Variants in SH3BGRL2 observed in about 807,000 individuals in gnomAD.
The protein encoded by SH3BGRL2 is SH3 domain-binding glutamic acid-rich-like protein 2.
A neutral mutation model predicts 14.8 loss-of-function variants in SH3BGRL2; 21 were observed. That is an observed-to-expected ratio of 1.42 (90% confidence interval 1.01 to 2.05). SH3BGRL2 has a LOEUF of 2.05. Ranked by LOEUF, SH3BGRL2 falls within the 30% of genes most tolerant of loss-of-function variation. The probability of loss-of-function intolerance (pLI) is 0.00; values close to 1 mark genes in which losing one functional copy is unlikely to be tolerated. For synonymous variants in SH3BGRL2, 50 were observed against 47.8 expected (o/e 1.05, Z -0.19); for missense variants, 147 against 130.8 (o/e 1.12, Z -0.61).
the SH3BGRL2 span, among the ~76,000 whole-genome samples, chr6:79,554,745 G>C: frequency 0.13 from 19,588 of 152,066 alleles, 1,418 homozygotes; most frequent in African/African-American, 0.16. Flanking sequence ...AAATTGGTAC[G>C]AGTTACTTAA....
intron 1 of SH3BGRL2, 105 bp from the exon 2 acceptor site, chr6:79,673,509 C>T: frequency 1.7e-6 from 2 of 1,150,294 alleles, no homozygotes; most frequent in Non-Finnish European, 2.5e-6. Flanking sequence ...CTACATAAAT[C>T]ACCTCTTTTT....
chr6:79,655,000 G>T (rs901750486), intron 1 of SH3BGRL2, among the ~76,000 whole-genome samples: 2 of 152,082 alleles, frequency 1.3e-5, no homozygotes, highest in Non-Finnish European at 2.9e-5. Context: ...CTTATAAAGG[G>T]GGAATTAATG....
At chr6:79,609,742 A>T in the SH3BGRL2 span, among the ~76,000 whole-genome samples, 1 of 152,132 alleles carries the variant, frequency 6.6e-6, no homozygotes, top group Admixed American at 6.5e-5. Context: ...ATTCCAAAAC[A>T]CCAAATCAGT....
At chr6:79,563,833 G>A in the SH3BGRL2 span, among the ~76,000 whole-genome samples, 185 of 152,260 alleles carry the variant, frequency 1.2e-3, no homozygotes, top group Non-Finnish European at 2.0e-3. Context: ...ACTATATATT[G>A]GAGTGATACA....
At chr6:79,649,425 A>G (rs998891118) in intron 1 of SH3BGRL2, among the ~76,000 whole-genome samples, 1 of 152,168 alleles carries the variant, frequency 6.6e-6, no homozygotes, top group Non-Finnish European at 1.5e-5. Context: ...AAAATATAAT[A>G]ATAAATTTGT....
chr6:79,691,303 T>A (rs145127977), intron 2 of SH3BGRL2, among the ~76,000 whole-genome samples: 1 of 152,080 alleles, frequency 6.6e-6, no homozygotes, highest in South Asian at 2.1e-4. Context: ...GAGGGTGAGA[T>A]CAAATCTGTT....
the SH3BGRL2 span, among the ~76,000 whole-genome samples, chr6:79,616,730 A>C: frequency 6.6e-6 from 1 of 152,204 alleles, no homozygotes; most frequent in Non-Finnish European, 1.5e-5. Context: ...TGTTCTTTAC[A>C]GTTCCATTCA....
chr6:79,649,967 ACT>A lies in SH3BGRL2; in HGVS notation c.45+18479_45+18480del, dbSNP rs67263724. 1.9e-3 allele frequency among the ~76,000 whole-genome samples: 276 copies of A among 146,456 alleles called. 1 individual carries two copies. The highest frequency in any genetic ancestry group is 0.01 in the Middle Eastern group (3 of 288). On this transcript the variant is annotated intron_variant, in intron 1 of 3. Coordinates refer to ENST00000369838, the MANE Select transcript of SH3BGRL2 (RefSeq NM_031469.4). The stretch of plus-strand genomic sequence containing the variant: ...TTATTTTTAATGCTAGTTCTTATGT[ACT>A]CTCTCTCTCTCTCTCTCACACACAC...
At chr6:79,617,804 G>A in the SH3BGRL2 span, among the ~76,000 whole-genome samples, 2 of 152,204 alleles carry the variant, frequency 1.3e-5, no homozygotes, top group African/African-American at 4.8e-5. Flanking sequence ...CTTCACAGGT[G>A]ATTTGTACTT....
At chr6:79,671,033 T>A (rs917033519) in intron 1 of SH3BGRL2, among the ~76,000 whole-genome samples, 1 of 152,150 alleles carries the variant, frequency 6.6e-6, no homozygotes, top group Non-Finnish European at 1.5e-5. Flanking sequence ...ATTGCTTTTC[T>A]AAGTAAAACC....
At chr6:79,683,052 C>T (rs542865631) in intron 2 of SH3BGRL2, among the ~76,000 whole-genome samples, 5 of 152,050 alleles carry the variant, frequency 3.3e-5, no homozygotes, top group East Asian at 1.9e-4. Flanking sequence ...GCCTGTCGAG[C>T]GGGGGAGCTG....
At chr6:79,684,403 G>T (rs1345487537) in intron 2 of SH3BGRL2, among the ~76,000 whole-genome samples, 2 of 151,748 alleles carry the variant, frequency 1.3e-5, no homozygotes, top group Non-Finnish European at 2.9e-5. Context: ...TAATGTCTTT[G>T]CCTTCAGTTG....
chr6:79,697,975 A>T (rs1326579078), intron 3 of SH3BGRL2, among the ~76,000 whole-genome samples: 1 of 152,326 alleles, frequency 6.6e-6, no homozygotes, highest in South Asian at 2.1e-4. Flanking sequence ...GTATTTTCTC[A>T]CCAGTTTCTC....
chr6:79,641,150 T>TTGTGTGTGTGTG lies in SH3BGRL2; in HGVS notation c.45+9679_45+9690dup, dbSNP rs373404859. 3.0e-3 allele frequency among the ~76,000 whole-genome samples: 426 copies of TTGTGTGTGTGTG among 141,382 alleles called. 2 individuals are homozygous for TTGTGTGTGTGTG. The highest frequency in any genetic ancestry group is 7.1e-3 in the Middle Eastern group (2 of 280). 92.8% of individuals were successfully genotyped at this position (141,382 alleles called of 152,430 possible). ...AAAGCTCAGTGGTTCTCTCACCCTTTTGTGTGTGTGTGTGTGTGTGTGTGT... is the reference window on the plus strand; with the variant it reads ...AAAGCTCAGTGGTTCTCTCACCCTTTTGTGTGTGTGTGTGTGTGTGTGTGTGTGTGTGTGTGT... On this transcript the variant is annotated intron_variant, in intron 1 of 3. Coordinates refer to ENST00000369838, the MANE Select transcript of SH3BGRL2 (RefSeq NM_031469.4).
chr6:79,631,270 C>G (rs958533888), upstream of SH3BGRL2: 2 of 432,058 alleles, frequency 4.6e-6, no homozygotes, highest in Middle Eastern at 5.9e-4. Context: ...TCTCCTTCCC[C>G]TTCAGCCTGC....
chr6:79,649,481 A>G (rs1339161074), intron 1 of SH3BGRL2, among the ~76,000 whole-genome samples: 2 of 152,164 alleles, frequency 1.3e-5, no homozygotes, highest in African/African-American at 4.8e-5. Context: ...TTAATTTCCA[A>G]TTCCAGGAGA....
intron 1 of SH3BGRL2, among the ~76,000 whole-genome samples, chr6:79,659,241 A>G (rs1238424470): frequency 6.6e-6 from 1 of 152,178 alleles, no homozygotes; most frequent in African/African-American, 2.4e-5. Flanking sequence ...GGTATTGACT[A>G]GGTTTTCTTT....
the SH3BGRL2 span, among the ~76,000 whole-genome samples, chr6:79,619,925 A>G: frequency 6.6e-6 from 1 of 152,240 alleles, no homozygotes; most frequent in Admixed American, 6.5e-5. Context: ...TTTGGTTTTA[A>G]TGGGAAGCAA....
chr6:79,692,455 G>T (rs1382099023), intron 2 of SH3BGRL2, among the ~76,000 whole-genome samples: 1 of 152,174 alleles, frequency 6.6e-6, no homozygotes, highest in Admixed American at 6.5e-5. Flanking sequence ...GAATGGTATT[G>T]CGTAGGTTTT....
Sources: gnomAD v4.1 joint callset for allele counts (sites outside exome capture counted in the v4.1 genomes callset) on GRCh38, gnomAD v4.1.1 for gene constraint, MANE v1.5 for transcripts, NCBI Gene and HGNC (gene_info 2026-07-23, HGNC 2026-07-21) for gene names.